Variants in SCTR observed in about 807,000 individuals in gnomAD.
The protein encoded by SCTR is pancreatic secretin receptor.
A neutral mutation model predicts 60.8 loss-of-function variants in SCTR; 56 were observed. That is an observed-to-expected ratio of 0.92 (90% CI 0.74 to 1.15). The LOEUF (loss-of-function observed/expected upper bound fraction) is 1.15, where lower values mean the gene tolerates loss of function less well. Among genes scored for constraint, SCTR ranks in the 50% most tolerant of loss-of-function variants. The pLI, the probability that SCTR is intolerant of heterozygous loss-of-function variation, is 0.00. For synonymous variants in SCTR, 202 were observed against 217.0 expected (o/e 0.93, Z 0.61); for missense variants, 562 against 550.4 (o/e 1.02, Z -0.21).
chr2:119,466,157 C>G (rs1683826643), intron 4 of SCTR, among the ~76,000 whole-genome samples: 1 of 152,102 alleles, frequency 6.6e-6, no homozygotes, highest in African/African-American at 2.4e-5. Flanking sequence ...CTTACCAACT[C>G]TCTGAATTCA....
chr2:119,477,122 T>C (rs551950344), intron 3 of SCTR, among the ~76,000 whole-genome samples: 1 of 152,174 alleles, frequency 6.6e-6, no homozygotes, highest in East Asian at 1.9e-4. Flanking sequence ...GTCAAGAAAA[T>C]TGAGGCTCCC....
intron 1 of SCTR, among the ~76,000 whole-genome samples, chr2:119,521,875 T>C (rs1003832405): frequency 6.6e-6 from 1 of 152,136 alleles, no homozygotes; most frequent in Non-Finnish European, 1.5e-5. Context: ...TCCTATTTAT[T>C]ACAGGAGTTC....
At chr2:119,440,359 C>G in intron 12 of SCTR, 102 bp from the exon 13 acceptor site, 4 of 1,347,824 alleles carry the variant, frequency 3.0e-6, no homozygotes, top group Non-Finnish European at 4.1e-6. Flanking sequence ...GCCACTCCTG[C>G]CCAGCTGCCC....
At chr2:119,497,629 C>A (rs1485461416) in intron 1 of SCTR, among the ~76,000 whole-genome samples, 1 of 151,714 alleles carries the variant, frequency 6.6e-6, no homozygotes, top group African/African-American at 2.4e-5. Flanking sequence ...GGAAGGCAGG[C>A]AGGCAGGCAG....
chr2:119,448,484 T>A (rs1683017001), intron 10 of SCTR, among the ~76,000 whole-genome samples: 1 of 152,188 alleles, frequency 6.6e-6, no homozygotes, highest in African/African-American at 2.4e-5. Context: ...GCCTGAGATT[T>A]CTTAGTGTTT....
intron 11 of SCTR, among the ~76,000 whole-genome samples, chr2:119,442,855 G>T (rs966721504): frequency 7.2e-5 from 11 of 152,138 alleles, no homozygotes; most frequent in African/African-American, 2.7e-4. Context: ...GTCAGAGAGG[G>T]AGTAAAAGGC....
intron 3 of SCTR, among the ~76,000 whole-genome samples, chr2:119,477,679 G>T (rs1030483210): frequency 1.8e-4 from 27 of 152,146 alleles, no homozygotes; most frequent in Non-Finnish European, 2.9e-5. Flanking sequence ...TCGAACTCCC[G>T]ACCTCAGGAG....
chr2:119,471,942 G>A (rs572699953), intron 4 of SCTR, among the ~76,000 whole-genome samples: 6 of 152,294 alleles, frequency 3.9e-5, no homozygotes, highest in South Asian at 2.1e-4. Context: ...ATACAATTGC[G>A]CATCAAGCAG....
intron 2 of SCTR, 65 bp downstream of exon 2, chr2:119,494,356 GCTCCCCC>G (rs1678263835): frequency 6.5e-7 from 1 of 1,540,966 alleles, no homozygotes; most frequent in African/African-American, 1.4e-5. Flanking sequence ...CCCAGGATAA[GCTCCCCC>G]TGCCCAGCAG....
intron 1 of SCTR, among the ~76,000 whole-genome samples, chr2:119,521,848 A>G (rs1035302770): frequency 2.6e-5 from 4 of 152,148 alleles, no homozygotes; most frequent in African/African-American, 9.7e-5. Context: ...ATTCCAACCA[A>G]AGTAGGTCAG....
At chr2:119,444,145 ATATTCT>A (rs1259198809) in intron 11 of SCTR, among the ~76,000 whole-genome samples, 4 of 145,802 alleles carry the variant, frequency 2.7e-5, no homozygotes, top group Admixed American at 2.7e-4. Flanking sequence ...ATATATATAC[ATATTCT>A]TATATATATA....
intron 1 of SCTR, among the ~76,000 whole-genome samples, chr2:119,496,079 G>T (rs142889933): frequency 3.3e-4 from 50 of 152,290 alleles, no homozygotes; most frequent in Middle Eastern, 3.4e-3. Flanking sequence ...CTTCCTTGTG[G>T]GGTCTCACCT....
intron 2 of SCTR, among the ~76,000 whole-genome samples, chr2:119,484,943 G>A (rs1677800093): frequency 6.6e-6 from 1 of 152,202 alleles, no homozygotes; most frequent in Non-Finnish European, 1.5e-5. Flanking sequence ...CTGAGGAGGT[G>A]GGATGGCCCA....
chr2:119,444,047 G>A (rs1459812006), intron 11 of SCTR, among the ~76,000 whole-genome samples: 1 of 151,670 alleles, frequency 6.6e-6, no homozygotes, highest in Non-Finnish European at 1.5e-5. Flanking sequence ...ATACCGCTGA[G>A]GCTGGGGATA....
In SCTR at chr2:119,494,367, C is replaced by T. The variant is rs940512462; in HGVS notation, c.193+61G>A. On this transcript the variant is annotated intron_variant, in intron 2 of 12. Transcript: ENST00000019103. ...CTGGCCCAGGATAAGCTCCCCCTGC[C>T]CAGCAGGACCGGACATGCTCCACCC... The T allele has an allele frequency of 5.6e-5, 89 of 1,575,792 alleles. No homozygotes were observed. In the African/African-American group the frequency reaches 1.0e-3, roughly 18 times the overall value.
chr2:119,523,392 CTAT>C (rs70947300), intron 1 of SCTR, among the ~76,000 whole-genome samples: 23,612 of 134,050 alleles, frequency 0.18, 2,055 homozygotes, highest in African/African-American at 0.2. Flanking sequence ...CATCCTGCCG[CTAT>C]TATTATTATT....
intron 1 of SCTR, among the ~76,000 whole-genome samples, chr2:119,504,109 C>T (rs898235150): frequency 1.3e-5 from 2 of 152,238 alleles, no homozygotes; most frequent in South Asian, 2.1e-4. Flanking sequence ...AATAGACCTA[C>T]GTAAATATGC....
intron 3 of SCTR, among the ~76,000 whole-genome samples, chr2:119,475,166 C>T (rs1488744039): frequency 1.6e-4 from 25 of 151,864 alleles, no homozygotes; most frequent in Admixed American, 1.3e-3. Context: ...GGAATTTAGG[C>T]GAGGGGTGGG....
At position 119,484,993 on chromosome 2, in the gene SCTR, C is replaced by T. The variant is rs567616232; in HGVS notation, c.194-6075G>A. Among the ~76,000 whole-genome samples, 26 of 152,256 alleles carry T rather than the reference C, an allele frequency of 1.7e-4. No individual in the cohort carries two copies. The East Asian group carries it at 4.8e-3, about 28-fold the overall frequency. ...GTGGGGGCAGGTCTAGATGGGCAGA[C>T]CACACACAGCCTTGCCGAGCCCATG... is the stretch of plus-strand genomic sequence containing the variant. On this transcript the variant is annotated intron_variant, in intron 2 of 12. Coordinates refer to ENST00000019103, the MANE Select transcript of SCTR (RefSeq NM_002980.3).
Sources: gnomAD v4.1 joint callset for allele counts (sites outside exome capture counted in the v4.1 genomes callset) on GRCh38, gnomAD v4.1.1 for gene constraint, MANE v1.5 for transcripts, NCBI Gene and HGNC (gene_info 2026-07-23, HGNC 2026-07-21) for gene names.